The following NNMT variants were observed in gnomAD, a reference collection of about 807,000 sequenced individuals.
NNMT encodes nicotinamide N-methyltransferase.
NNMT carries 10 observed loss-of-function variants against 11.7 expected under a neutral mutation model. The observed-to-expected ratio is 0.85, with a 90% confidence interval of 0.53 to 1.45. The LOEUF (loss-of-function observed/expected upper bound fraction) is 1.45. Ranked by LOEUF, NNMT falls within the 40% of genes most tolerant of loss-of-function variation. The pLI is 0.00. For synonymous variants in NNMT, 143 were observed against 133.8 expected, an observed-to-expected ratio of 1.07 and a Z score of -0.48; for missense variants, 381 against 319.4, an observed-to-expected ratio of 1.19 and a Z score of -1.47.
intron 2 of NNMT, among the ~76,000 whole-genome samples, chr11:114,268,768 C>CAAAAAA (rs34012236): frequency 0.01 from 710 of 69,574 alleles, 15 homozygotes; most frequent in African/African-American, 0.034. Context: ...GACTCCGTCT[C>CAAAAAA]AAAAAAAAAA....
rs759853693 is a variant in NNMT at position 114,297,993 on chromosome 11, C to A, written c.197C>A (p.Pro66His). ...CTGCTGATTGACATCGGCTCTGGCC[C>A]CACTATCTATCAGCTCCTCTCTGCT... ...GDLLIDIGSG[P>H]TIYQLLSACE... The change falls in exon 2 of 3, where the codon CCC becomes CAC. Residue 66 changes from proline to histidine, a missense_variant. Physicochemically the swap from Pro to His is moderately conservative, Grantham distance 77 (BLOSUM62 -2). Transcript: ENST00000299964. 3.7e-6 allele frequency: 6 copies of A among 1,613,572 alleles called. 1 individual carries two copies. The South Asian group carries it at 6.6e-5, about 18-fold the overall frequency.
intron 2 of NNMT, among the ~76,000 whole-genome samples, chr11:114,282,319 G>T (rs939401935): frequency 6.6e-6 from 1 of 152,164 alleles, no homozygotes; most frequent in Non-Finnish European, 1.5e-5. Flanking sequence ...CTGCCAAAGT[G>T]ATCAGGTGGA....
intron 2 of NNMT, among the ~76,000 whole-genome samples, chr11:114,266,447 T>C (rs1945120292): frequency 6.6e-6 from 1 of 152,168 alleles, no homozygotes; most frequent in Non-Finnish European, 1.5e-5. Context: ...CCCACCTCTA[T>C]ACCCAGCCTC....
At chr11:114,281,587 G>A (rs1945263754) in intron 2 of NNMT, among the ~76,000 whole-genome samples, 1 of 152,170 alleles carries the variant, frequency 6.6e-6, no homozygotes, top group Admixed American at 6.5e-5. Context: ...AGAAATCAAA[G>A]TCAAGACACA....
At position 114,259,349 on chromosome 11, in the gene NNMT, G is replaced by T. The variant is rs112291450; in HGVS notation, c.-217+1471G>T. On this transcript the variant is annotated intron_variant, in intron 1 of 4. Transcript: ENST00000535401. The stretch of plus-strand genomic sequence containing the variant: ...TGTACACACACGCAGAGGCCCAGTG[G>T]GGGGGGGGGAGCTCCTGCATCCCCA... Among the ~76,000 whole-genome samples, 13 of 118,224 alleles carry T rather than the reference G, an allele frequency of 1.1e-4. 1 individual carries two copies. Among genetic ancestry groups the T allele is most frequent in the African/African-American group, 2.7e-4 (8 of 30,184 alleles). 77.6% of individuals were successfully genotyped at this position (118,224 alleles called of 152,430 possible).
Position 114,312,248 on chromosome 11 carries a change from C to T in NNMT, c.566C>T (p.Pro189Leu), listed in dbSNP as rs1945558500. ...ALRNLGSLLK[P>L]GGFLVIMDAL... is the part of the protein sequence containing the mutation. ...AGGAACCTCGGCAGCCTACTGAAGC[C>T]AGGGGGCTTCCTGGTGATCATGGAT... Residue 189 changes from proline to leucine, a missense_variant, in exon 3 of 3, where the codon CCA becomes CTA. Transcript: ENST00000299964. 2 of 1,614,114 alleles carry T rather than the reference C, an allele frequency of 1.2e-6. No individual in the cohort carries two copies. The highest frequency in any genetic ancestry group is 2.2e-5 in the South Asian group (2 of 91,094).
At chr11:114,297,724 T>C (rs920243775) in intron 1 of NNMT, among the ~76,000 whole-genome samples, 3 of 152,184 alleles carry the variant, frequency 2.0e-5, no homozygotes, top group African/African-American at 7.2e-5. Flanking sequence ...AGGCCTCAAG[T>C]GATCCTCCTG....
intron 2 of NNMT, among the ~76,000 whole-genome samples, chr11:114,301,893 C>A (rs1229542037): frequency 6.6e-6 from 1 of 151,898 alleles, no homozygotes; most frequent in Admixed American, 6.6e-5. Flanking sequence ...GTCTCTATCT[C>A]ACTCTCTTGT....
At chr11:114,284,870 A>G (rs1945286772) in intron 2 of NNMT, among the ~76,000 whole-genome samples, 1 of 148,866 alleles carries the variant, frequency 6.7e-6, no homozygotes, top group East Asian at 2.0e-4. Flanking sequence ...TCTGGGTTCA[A>G]GTGATTCTCC....
At chr11:114,270,014 T>C (rs1428251379) in intron 2 of NNMT, among the ~76,000 whole-genome samples, 1 of 152,116 alleles carries the variant, frequency 6.6e-6, no homozygotes, top group African/African-American at 2.4e-5. Flanking sequence ...TTTGGTTTCT[T>C]CTTTGGTCCA....
chr11:114,280,839 C>T lies in NNMT; in HGVS notation c.-129-15589C>T, dbSNP rs572680893. Among the ~76,000 whole-genome samples the T allele has an allele frequency of 2.0e-5, 3 of 152,292 alleles. No individual in the cohort carries two copies. The South Asian group carries it at 6.2e-4, about 32-fold the overall frequency. Reference sequence around the variant, plus strand: ...GCAGGGCCAGTGGGGTGGGAGGGCTCTTCCCTCCTTTGCTTGTCCCCGGCC... The same window carrying T: ...GCAGGGCCAGTGGGGTGGGAGGGCTTTTCCCTCCTTTGCTTGTCCCCGGCC... On this transcript the variant is annotated intron_variant, in intron 2 of 4. Coordinates refer to the NNMT transcript ENST00000535401.
chr11:114,270,661 C>T (rs1163554702), intron 2 of NNMT: 1 of 152,314 alleles, frequency 6.6e-6, no homozygotes, highest in Non-Finnish European at 1.5e-5. Flanking sequence ...AGATGGCCAC[C>T]TTCTCACTGT....
At chr11:114,293,345 T>C (rs1226804374), upstream of NNMT, among the ~76,000 whole-genome samples, 2 of 152,062 alleles carry the variant, frequency 1.3e-5, no homozygotes, top group Non-Finnish European at 2.9e-5. Context: ...TTTCCTTTAC[T>C]CCCTTTCCCC....
At chr11:114,277,559 C>T (rs969318081) in intron 2 of NNMT, among the ~76,000 whole-genome samples, 3 of 152,006 alleles carry the variant, frequency 2.0e-5, no homozygotes, top group Admixed American at 6.5e-5. Flanking sequence ...GGGTAAGCCA[C>T]GTGAAGGAAT....
At chr11:114,269,609 G>C (rs1466158473) in intron 2 of NNMT, 1 of 152,060 alleles carries the variant, frequency 6.6e-6, no homozygotes, top group Non-Finnish European at 1.5e-5. Flanking sequence ...AAAATATTTA[G>C]TGTTTCTCTA....
chr11:114,312,663 A>T lies in NNMT; in HGVS notation c.*186A>T, dbSNP rs1945565185. Reference sequence around the variant, plus strand: ...ACCACTTACTTGGTGCTGCACACAAATGTTGGTGCTATGGGACCCAAAGAT... The same window carrying T: ...ACCACTTACTTGGTGCTGCACACAATTGTTGGTGCTATGGGACCCAAAGAT... On this transcript the variant is annotated 3_prime_UTR_variant, in exon 3 of 3. Transcript: ENST00000299964. 1.7e-6 allele frequency: 1 copy of T among 579,552 alleles called. No individual in the cohort carries two copies. Among genetic ancestry groups the T allele is most frequent in the Non-Finnish European group, 3.0e-6 (1 of 331,128 alleles). 35.9% of individuals were successfully genotyped at this position (579,552 alleles called of 1,614,324 possible).
rs527658182 is a variant in NNMT at position 114,284,742 on chromosome 11, G to A, written c.-129-11686G>A. 6.9e-5 allele frequency among the ~76,000 whole-genome samples: 10 copies of A among 145,830 alleles called. No homozygotes were observed. The East Asian group carries it at 1.2e-3, about 18-fold the overall frequency. On this transcript the variant is annotated intron_variant, in intron 2 of 4. Transcript: ENST00000535401. ...CTCCCAAAGTGCTGAGATGACAGGC[G>A]TGAGCCACTGCACCCGGCCATCTTT...
At chr11:114,294,583 T>C (rs762581226), upstream of NNMT, among the ~76,000 whole-genome samples, 1 of 151,630 alleles carries the variant, frequency 6.6e-6, no homozygotes, top group Non-Finnish European at 1.5e-5. Context: ...CAAAAATAAC[T>C]AGACAAGTAT....
chr11:114,284,921 C>A (rs1314782884), intron 2 of NNMT, among the ~76,000 whole-genome samples: 1 of 151,924 alleles, frequency 6.6e-6, no homozygotes, highest in Non-Finnish European at 1.5e-5. Flanking sequence ...AGGTGCATAC[C>A]ACCATGACGG....
Sources: allele counts gnomAD v4.1 joint callset (sites outside exome capture counted in the v4.1 genomes callset), GRCh38; gene constraint gnomAD v4.1.1; transcripts MANE v1.5; gene names NCBI Gene and HGNC (gene_info 2026-07-23, HGNC 2026-07-21).